Variants in ASAP1 observed in about 807,000 individuals in gnomAD.
ASAP1 encodes arf-GAP with SH3 domain, ANK repeat and PH domain-containing protein 1.
Under a neutral mutation model 145.2 loss-of-function variants are expected in ASAP1, and 43 were observed. That is an observed-to-expected ratio of 0.30 (90% CI 0.23 to 0.38). The LOEUF is 0.38. Ranked by LOEUF, ASAP1 falls within the 10% of genes least tolerant of loss-of-function variation. The pLI is 1.00. For synonymous variants in ASAP1, 546 were observed against 515.5 expected (o/e 1.06, Z -0.80); for missense variants, 1,018 against 1,355.3 (o/e 0.75, Z 3.91).
intron 7 of ASAP1, among the ~76,000 whole-genome samples, chr8:130,183,114 C>A (rs1361563722): frequency 1.3e-5 from 2 of 152,000 alleles, no homozygotes; most frequent in Non-Finnish European, 2.9e-5. Flanking sequence ...AGAAAGATTG[C>A]AAACAGAATG....
At chr8:130,245,132 T>C (rs1476659277) in intron 3 of ASAP1, among the ~76,000 whole-genome samples, 1 of 152,078 alleles carries the variant, frequency 6.6e-6, no homozygotes, top group East Asian at 1.9e-4. Context: ...ATCATGTTAG[T>C]TTCAAGATTA....
chr8:130,235,978 T>A (rs10956513), intron 4 of ASAP1, among the ~76,000 whole-genome samples: 31,750 of 152,038 alleles, frequency 0.21, 3,627 homozygotes, highest in East Asian at 0.43. Context: ...CAACTTTTTT[T>A]AATACCACTA....
At chr8:130,073,152 G>C (rs565515449) in intron 27 of ASAP1, among the ~76,000 whole-genome samples, 25 of 151,870 alleles carry the variant, frequency 1.6e-4, no homozygotes, top group African/African-American at 6.0e-4. Context: ...CACATTGGGA[G>C]GCTGAGGCGG....
chr8:130,080,520 G>A (rs2097477019), intron 25 of ASAP1, among the ~76,000 whole-genome samples: 1 of 147,484 alleles, frequency 6.8e-6, no homozygotes, highest in African/African-American at 2.5e-5. Context: ...CTGTCACCCA[G>A]GCTAGAGTGC....
intron 27 of ASAP1, among the ~76,000 whole-genome samples, chr8:130,075,007 T>C (rs1187570156): frequency 6.6e-6 from 1 of 152,018 alleles, no homozygotes; most frequent in Non-Finnish European, 1.5e-5. Flanking sequence ...AGGGGATGGG[T>C]GCAGGGAAGA....
In ASAP1 at chr8:130,112,258, G is replaced by A. The variant is rs539450703; in HGVS notation, c.2237C>T (p.Ser746Phe). Reference protein sequence around the residue: ...PQSFCHSSSISPQDKLALPGF... With the variant: ...PQSFCHSSSIFPQDKLALPGF... ...TGGCAGTGCCAGCTTGTCCTGGGGGGAGATGCTGGAGGAGTGGCAGAAGCT... is the reference window on the plus strand; with the variant it reads ...TGGCAGTGCCAGCTTGTCCTGGGGGAAGATGCTGGAGGAGTGGCAGAAGCT... The change falls in exon 24 of 30, where the codon TCC (serine) becomes TTC (phenylalanine). Residue 746 changes from serine (S) to phenylalanine (F), a missense_variant. By Grantham distance (155) the Ser-to-Phe change is radical. This residue lies in a region of ASAP1 where 353 missense variants were observed against 375.4 expected (regional missense o/e 0.94). Transcript: ENST00000518721. 35 of 1,614,232 alleles carry A rather than the reference G, an allele frequency of 2.2e-5. No individual in the cohort carries two copies. In the South Asian group the frequency reaches 3.5e-4, roughly 16 times the overall value.
chr8:130,099,791 G>A lies in ASAP1; in HGVS notation c.2402-7648C>T, dbSNP rs541745221. ...TGACCTCAGGTGATCCACCCGCCTC[G>A]GCCTCCCAAAGTGCTGGGATTACAG... is the stretch of plus-strand genomic sequence containing the variant. On this transcript the variant is annotated intron_variant, in intron 24 of 29. Coordinates refer to ENST00000518721, the MANE Select transcript of ASAP1 (RefSeq NM_018482.4). Among the ~76,000 whole-genome samples, 7 of 149,462 alleles carry A rather than the reference G, an allele frequency of 4.7e-5. No individual in the cohort carries two copies. In the East Asian group the frequency reaches 7.9e-4, roughly 17 times the overall value.
chr8:130,205,382 G>GAAAA (rs771590453), intron 5 of ASAP1, among the ~76,000 whole-genome samples: 4 of 57,052 alleles, frequency 7.0e-5, no homozygotes, highest in African/African-American at 1.2e-4. Context: ...ATCCTTATAA[G>GAAAA]AAAAAAAAAA....
chr8:130,259,103 T>C (rs1018419621), intron 3 of ASAP1, among the ~76,000 whole-genome samples: 2 of 152,120 alleles, frequency 1.3e-5, no homozygotes, highest in African/African-American at 4.8e-5. Flanking sequence ...TTCACAAAAT[T>C]CATGACCTGA....
At chr8:130,284,404 C>T (rs1821464173) in intron 3 of ASAP1, among the ~76,000 whole-genome samples, 1 of 151,892 alleles carries the variant, frequency 6.6e-6, no homozygotes, top group African/African-American at 2.4e-5. Context: ...TCAAATGAAC[C>T]CCCATAAAGG....
In ASAP1 at chr8:130,137,041, G is replaced by GTA. The variant is rs2097596468; in HGVS notation, c.1081-4_1081-3insTA. 1 of 1,613,514 alleles carries GTA rather than the reference G, an allele frequency of 6.2e-7. No individual in the cohort carries two copies. Among genetic ancestry groups the GTA allele is most frequent in the Non-Finnish European group, 8.5e-7 (1 of 1,179,458 alleles). On this transcript the variant is annotated splice_region_variant and splice_polypyrimidine_tract_variant and intron_variant, in intron 13 of 29. Coordinates refer to ENST00000518721, the MANE Select transcript of ASAP1 (RefSeq NM_018482.4). Reference sequence around the variant, plus strand: ...AACTTGGCTGGTTGCCTGTTAGACTGGAAAAAAAGAGAAAATGGAGAAGTT... The same window carrying GTA: ...AACTTGGCTGGTTGCCTGTTAGACTGTAGAAAAAAAGAGAAAATGGAGAAGTT...
At chr8:130,094,405 G>C (rs1199711589) in intron 24 of ASAP1, among the ~76,000 whole-genome samples, 1 of 151,956 alleles carries the variant, frequency 6.6e-6, no homozygotes, top group Non-Finnish European at 1.5e-5. Flanking sequence ...ATTTTTAGTA[G>C]AGACAGAGTC....
rs1412147674 is a variant in ASAP1 at position 130,112,281 on chromosome 8, G to A, written c.2214C>T (p.Ser738=). The change falls in exon 24 of 30, where the codon AGC becomes AGT. Residue 738 remains serine (S), a synonymous_variant. Transcript: ENST00000518721. ...GGGAGATGCTGGAGGAGTGGCAGAA[G>A]CTCTGAGGTCTGGGTGAGCGCTCTT... ...IKKERSPRPQ[S]FCHSSSISPQ... 2 of 1,614,216 alleles carry A rather than the reference G, an allele frequency of 1.2e-6. No homozygotes were observed. Among genetic ancestry groups the A allele is most frequent in the Non-Finnish European group, 8.5e-7 (1 of 1,180,022 alleles).
chr8:130,434,759 G>C, intron 1 of ASAP1, among the ~76,000 whole-genome samples: 1 of 152,222 alleles, frequency 6.6e-6, no homozygotes, highest in South Asian at 2.1e-4. Context: ...ATCCCAGAAC[G>C]GCTCTCTGTG....
At chr8:130,091,504 G>C (rs200762597) in intron 25 of ASAP1, among the ~76,000 whole-genome samples, 1 of 152,212 alleles carries the variant, frequency 6.6e-6, no homozygotes, top group Non-Finnish European at 1.5e-5. Flanking sequence ...ATAAGAGCCC[G>C]ATCATGCAGG....
At chr8:130,132,022 ACTC>A (rs2097583929) in intron 15 of ASAP1, among the ~76,000 whole-genome samples, 1 of 151,754 alleles carries the variant, frequency 6.6e-6, no homozygotes, top group Non-Finnish European at 1.5e-5. Flanking sequence ...CACCCAAATT[ACTC>A]ACCTGTGTTT....
At chr8:130,401,133 C>T (rs992565892) in intron 2 of ASAP1, among the ~76,000 whole-genome samples, 2 of 152,120 alleles carry the variant, frequency 1.3e-5, no homozygotes, top group Non-Finnish European at 2.9e-5. Flanking sequence ...TCTCCCGCCT[C>T]GGCCTCCCAA....
At position 130,072,829 on chromosome 8, in the gene ASAP1, G is replaced by GCGCGCGCGCGCGCACGCGCGCGCA. The variant is rs1221695712; in HGVS notation, c.2701+3518_2701+3519insTGCGCGCGCGTGCGCGCGCGCGCG. 2.0e-5 allele frequency among the ~76,000 whole-genome samples: 2 copies of GCGCGCGCGCGCGCACGCGCGCGCA among 102,366 alleles called. 1 individual carries two copies. The highest frequency in any genetic ancestry group is 1.8e-4 in the Admixed American group (2 of 11,072). The allele number at this position is 102,366 out of a possible 152,430, so 67.2% of individuals were successfully genotyped here. ...TGTGTGTGTGTGTGTGTGTGTGCGC[G>GCGCGCGCGCGCGCACGCGCGCGCA]CGGGGGGGGGCAGTTTTGGGGACTG... is the stretch of plus-strand genomic sequence containing the variant. On this transcript the variant is annotated intron_variant, in intron 27 of 29. Coordinates refer to ENST00000518721, the MANE Select transcript of ASAP1 (RefSeq NM_018482.4).
At position 130,128,260 on chromosome 8, in the gene ASAP1, C is replaced by T. The variant is rs148960016; in HGVS notation, c.1218-170G>A. Among the ~76,000 whole-genome samples, 83 of 138,694 alleles carry T rather than the reference C, an allele frequency of 6.0e-4. 2 individuals are homozygous for T. In the East Asian group the frequency reaches 0.016, roughly 27 times the overall value. The allele number at this position is 138,694 out of a possible 152,430, so 91.0% of individuals were successfully genotyped here. A position where few individuals can be genotyped will look rare whatever the true frequency, so the allele number is the denominator to read the frequency against. On this transcript the variant is annotated intron_variant, in intron 15 of 29. Transcript: ENST00000518721. ...ATAAAGTGAGGAAAAACAAAGAAATCAAACTTGAAGGAAGGTGAGAGTTAA... is the reference window on the plus strand; with the variant it reads ...ATAAAGTGAGGAAAAACAAAGAAATTAAACTTGAAGGAAGGTGAGAGTTAA...
Sources: gnomAD v4.1 joint callset for allele counts (sites outside exome capture counted in the v4.1 genomes callset) on GRCh38, gnomAD v4.1.1 for gene constraint, gnomAD v4.1.1 regional missense constraint, MANE v1.5 for transcripts, NCBI Gene and HGNC (gene_info 2026-07-23, HGNC 2026-07-21) for gene names.